ARHGAP32: variants seen among roughly 807,000 people sequenced by gnomAD.
ARHGAP32 encodes the protein Rho GTPase activating protein 32, also known as rho GTPase-activating protein 32.
ARHGAP32 carries 51 observed loss-of-function variants against 186.5 expected under a neutral mutation model. The observed-to-expected ratio is 0.27, with a 90% CI of 0.22 to 0.35. The LOEUF (loss-of-function observed/expected upper bound fraction) is 0.35, where lower values mean the gene tolerates loss of function less well. ARHGAP32 is among the 10% of genes least tolerant of loss of function. ARHGAP32 has a pLI of 1.00. For missense variants in ARHGAP32, 2,186 were observed against 2,623.5 expected, an observed-to-expected ratio of 0.83 and a Z score of 3.64; for synonymous variants, 950 against 964.3, an observed-to-expected ratio of 0.99 and a Z score of 0.27.
At chr11:129,172,309 T>A (rs1234914023) in intron 1 of ARHGAP32, among the ~76,000 whole-genome samples, 1 of 152,174 alleles carries the variant, frequency 6.6e-6, no homozygotes, top group Non-Finnish European at 1.5e-5. Context: ...GTGGGTTTGT[T>A]ATAAATAGCT....
At chr11:129,153,303 T>C (rs1483393788) in intron 2 of ARHGAP32, among the ~76,000 whole-genome samples, 4 of 152,092 alleles carry the variant, frequency 2.6e-5, no homozygotes, top group African/African-American at 9.7e-5. Context: ...AAAATGACCA[T>C]ACGGCCAAAA....
intron 1 of ARHGAP32, among the ~76,000 whole-genome samples, chr11:129,170,682 T>C (rs1199768336): frequency 6.6e-6 from 1 of 151,616 alleles, no homozygotes; most frequent in East Asian, 1.9e-4. Context: ...TTATATTCCT[T>C]TGGGTAATGG....
chr11:129,151,265 GGC>G (rs1943281201), intron 2 of ARHGAP32, among the ~76,000 whole-genome samples: 1 of 152,004 alleles, frequency 6.6e-6, no homozygotes, highest in South Asian at 2.1e-4. Flanking sequence ...TGAGATAGAT[GGC>G]AACACAATAA....
chr11:129,142,341 T>C (rs1027388215), intron 2 of ARHGAP32, among the ~76,000 whole-genome samples: 5 of 152,180 alleles, frequency 3.3e-5, no homozygotes, highest in African/African-American at 1.2e-4. Flanking sequence ...AGACAGAAGG[T>C]AGGATGTCCC....
chr11:128,993,066 T>C (rs1298032846), intron 12 of ARHGAP32, among the ~76,000 whole-genome samples: 3 of 152,202 alleles, frequency 2.0e-5, no homozygotes, highest in Non-Finnish European at 1.5e-5. Context: ...TGTGATTTCT[T>C]ACAACACTTT....
At chr11:129,212,282 T>A (rs781497926) in intron 1 of ARHGAP32, among the ~76,000 whole-genome samples, 4 of 152,168 alleles carry the variant, frequency 2.6e-5, no homozygotes, top group Non-Finnish European at 5.9e-5. Context: ...ATAAGAGGCT[T>A]GAATGAGTGG....
At chr11:129,029,753 G>C (rs934715776) in intron 11 of ARHGAP32, among the ~76,000 whole-genome samples, 30 of 128,330 alleles carry the variant, frequency 2.3e-4, no homozygotes, top group Admixed American at 4.8e-4. Flanking sequence ...AGTGAGCCGA[G>C]ATCGCACCAC....
At chr11:129,200,919 T>G (rs187058300) in intron 1 of ARHGAP32, among the ~76,000 whole-genome samples, 1 of 152,280 alleles carries the variant, frequency 6.6e-6, no homozygotes, top group East Asian at 1.9e-4. Context: ...ATAATCACTC[T>G]GTAATTTTTA....
intron 2 of ARHGAP32, among the ~76,000 whole-genome samples, chr11:129,147,788 A>G (rs1943197628): frequency 6.6e-6 from 1 of 152,204 alleles, no homozygotes; most frequent in Non-Finnish European, 1.5e-5. Context: ...TGAGTTAAAT[A>G]TCTTTGGCTT....
At chr11:129,142,079 T>C (rs927841566) in intron 2 of ARHGAP32, among the ~76,000 whole-genome samples, 2 of 149,258 alleles carry the variant, frequency 1.3e-5, no homozygotes, top group Non-Finnish European at 3.0e-5. Flanking sequence ...CATGTTATAG[T>C]AGTAAAAAAG....
At chr11:129,156,750 A>G (rs2135466969) in intron 2 of ARHGAP32, among the ~76,000 whole-genome samples, 1 of 152,310 alleles carries the variant, frequency 6.6e-6, no homozygotes, top group Middle Eastern at 3.4e-3. Context: ...TGCCCCCTCA[A>G]GTGGGTCCCT....
At chr11:129,271,802 C>G (rs771376582) in intron 1 of ARHGAP32, among the ~76,000 whole-genome samples, 42 of 152,102 alleles carry the variant, frequency 2.8e-4, no homozygotes, top group Non-Finnish European at 4.9e-4. Context: ...TGAGAGAGGT[C>G]AAATAAGATA....
At chr11:129,189,203 C>CA (rs1944225795) in intron 1 of ARHGAP32, among the ~76,000 whole-genome samples, 2 of 152,212 alleles carry the variant, frequency 1.3e-5, no homozygotes, top group South Asian at 4.1e-4. Flanking sequence ...AAGATAGCCC[C>CA]AAAAATCTTT....
chr11:128,978,921 A>G lies in ARHGAP32; in HGVS notation c.1977-6T>C. On this transcript the variant is annotated splice_region_variant and splice_polypyrimidine_tract_variant and intron_variant, in intron 18 of 22. Transcript: ENST00000682385. ...TCTTATTTTGAGGCCTCTTTCTATG[A>G]AAGAGAAAAAATAATCAACATTAAG... The G allele has an allele frequency of 6.3e-7, 1 of 1,595,378 alleles. No individual in the cohort carries two copies. The highest frequency in any genetic ancestry group is 1.4e-5 in the African/African-American group (1 of 73,310).
intron 1 of ARHGAP32, among the ~76,000 whole-genome samples, chr11:129,241,240 A>G (rs1331767024): frequency 6.6e-6 from 1 of 152,238 alleles, no homozygotes; most frequent in Non-Finnish European, 1.5e-5. Flanking sequence ...ACATAGATAC[A>G]TGGTAACTTA....
upstream of ARHGAP32, among the ~76,000 whole-genome samples, chr11:129,193,698 ATATAATATATATTATATATTATATAT>A (rs1944345054): frequency 3.1e-5 from 1 of 32,074 alleles, no homozygotes; most frequent in Admixed American, 6.3e-4. Context: ...ATTATATAAT[ATATAATATATATTATATATTATATAT>A]TATATATAAT....
chr11:129,274,730 G>T (rs948780093), intron 1 of ARHGAP32, among the ~76,000 whole-genome samples: 1 of 151,802 alleles, frequency 6.6e-6, no homozygotes. Flanking sequence ...AAAGTCTCTG[G>T]ATAGTAAACT....
chr11:129,012,705 AAAAG>A (rs1221267990), intron 11 of ARHGAP32, among the ~76,000 whole-genome samples: 1 of 152,226 alleles, frequency 6.6e-6, no homozygotes, highest in East Asian at 1.9e-4. Flanking sequence ...AATAGTATCC[AAAAG>A]AAAGAAAGGG....
chr11:129,156,986 G>C (rs544236763), intron 2 of ARHGAP32, among the ~76,000 whole-genome samples: 2 of 152,298 alleles, frequency 1.3e-5, no homozygotes, highest in South Asian at 4.1e-4. Flanking sequence ...CAGCAGAGGG[G>C]CCTCACTATT....
Sources: allele counts gnomAD v4.1 joint callset (sites outside exome capture counted in the v4.1 genomes callset), GRCh38; gene constraint gnomAD v4.1.1; transcripts MANE v1.5; gene names NCBI Gene and HGNC (gene_info 2026-07-23, HGNC 2026-07-21).